UTRN: variants seen among roughly 807,000 people sequenced by gnomAD.
The protein encoded by UTRN is dystrophin-related protein 1.
UTRN carries 283 observed loss-of-function variants against 463.9 expected under a neutral mutation model. The ratio of observed to expected loss-of-function variants is 0.61; its 90% CI spans 0.55 to 0.67. UTRN has a LOEUF of 0.67. Among genes scored for constraint, UTRN ranks in the 30% least tolerant of loss-of-function variants. The pLI is 0.00. For synonymous variants in UTRN, 1,442 were observed against 1,431.5 expected, an observed-to-expected ratio of 1.01 and a Z score of -0.17; for missense variants, 3,922 against 4,084.3, an observed-to-expected ratio of 0.96 and a Z score of 1.08.
At chr6:144,813,191 A>AT (rs1341768404) in intron 65 of UTRN, among the ~76,000 whole-genome samples, 265 of 149,722 alleles carry the variant, frequency 1.8e-3, no homozygotes, top group African/African-American at 6.4e-3. Flanking sequence ...TTATTTATTT[A>AT]TTTATTTATT....
In UTRN at chr6:144,522,035, C is replaced by T. The variant is rs1296000482; in HGVS notation, c.5597C>T (p.Ser1866Leu). Reference protein sequence around the residue: ...MGQLASGIRSSLLPTDYLVEI... With the variant: ...MGQLASGIRSLLLPTDYLVEI... ...CAACTTGCTTCTGGAATTAGATCAT[C>T]ACTTCTTCCTACAGATTATCTGGTT... Residue 1866 changes from serine to leucine, a missense_variant, in exon 40 of 75, where the codon TCA (serine) becomes TTA (leucine). By Grantham distance (145) the Ser-to-Leu change is moderately radical. Around this residue, in one of 3 missense-constraint regions of UTRN, gnomAD observed 2,349 missense variants for 2,303.8 expected, o/e 1.02. Transcript: ENST00000367545. 1 of 1,586,986 alleles carries T rather than the reference C, an allele frequency of 6.3e-7. No individual in the cohort carries two copies.
chr6:144,480,790 A>G (rs1164525054), intron 26 of UTRN, among the ~76,000 whole-genome samples: 25 of 152,222 alleles, frequency 1.6e-4, no homozygotes, highest in Non-Finnish European at 7.3e-5. Context: ...GTTTTACCTC[A>G]AAGTTAACTT....
At chr6:144,470,444 G>C (rs933531973) in intron 23 of UTRN, among the ~76,000 whole-genome samples, 4 of 152,090 alleles carry the variant, frequency 2.6e-5, no homozygotes, top group African/African-American at 9.7e-5. Flanking sequence ...CGGCCGGGCA[G>C]AGGCGCTCCT....
chr6:144,836,660 A>G (rs1267438608), intron 71 of UTRN, 119 bp downstream of exon 71: 36 of 1,423,040 alleles, frequency 2.5e-5, no homozygotes, highest in Non-Finnish European at 3.2e-5. Context: ...TTACCTCCGT[A>G]GTTAATTCAG....
chr6:144,333,978 C>A (rs1283559381), intron 2 of UTRN, among the ~76,000 whole-genome samples: 1 of 152,164 alleles, frequency 6.6e-6, no homozygotes, highest in Admixed American at 6.5e-5. Context: ...TAAAAAAGTA[C>A]ATTGATGATC....
At chr6:144,739,212 C>T (rs143944033) in intron 54 of UTRN, among the ~76,000 whole-genome samples, 2 of 151,978 alleles carry the variant, frequency 1.3e-5, no homozygotes, top group Non-Finnish European at 2.9e-5. Context: ...TATTTTTCTT[C>T]CCTGTAAAAT....
At chr6:144,552,136 A>G (rs940908095) in intron 48 of UTRN, among the ~76,000 whole-genome samples, 2 of 152,258 alleles carry the variant, frequency 1.3e-5, no homozygotes, top group East Asian at 1.9e-4. Flanking sequence ...GTGACAAAAT[A>G]TAAACTGGAA....
chr6:144,420,798 G>A (rs1312870866), intron 3 of UTRN, among the ~76,000 whole-genome samples: 1 of 152,214 alleles, frequency 6.6e-6, no homozygotes, highest in Non-Finnish European at 1.5e-5. Context: ...TTGTCACACT[G>A]TGATGTGAGA....
intron 3 of UTRN, among the ~76,000 whole-genome samples, chr6:144,417,565 T>C (rs975001355): frequency 1.3e-5 from 2 of 152,222 alleles, no homozygotes; most frequent in African/African-American, 2.4e-5. Flanking sequence ...TCTAAGAACA[T>C]TTCATATTTC....
intron 51 of UTRN, among the ~76,000 whole-genome samples, chr6:144,652,184 A>T (rs1348139066): frequency 1.3e-5 from 2 of 152,196 alleles, no homozygotes; most frequent in Non-Finnish European, 2.9e-5. Context: ...ACTTATCCCT[A>T]AACAAGAATG....
chr6:144,764,823 AT>A (rs978001869), intron 58 of UTRN, among the ~76,000 whole-genome samples: 3 of 152,070 alleles, frequency 2.0e-5, no homozygotes, highest in East Asian at 1.9e-4. Context: ...TAAAGTAGTA[AT>A]TTTTTTTAAT....
intron 2 of UTRN, among the ~76,000 whole-genome samples, chr6:144,342,732 T>C (rs914297644): frequency 6.6e-6 from 1 of 152,182 alleles, no homozygotes; most frequent in Non-Finnish European, 1.5e-5. Context: ...TGGGGGTCGA[T>C]TGTGGTGATG....
intron 2 of UTRN, among the ~76,000 whole-genome samples, chr6:144,313,712 G>T (rs902633200): frequency 3.3e-5 from 5 of 152,192 alleles, no homozygotes; most frequent in Non-Finnish European, 7.3e-5. Context: ...AGGACCCTGT[G>T]CCTCTAGACC....
Position 144,754,936 on chromosome 6 carries a change from GAA to G in UTRN, c.8434+141_8434+142del, listed in dbSNP as rs1457211044. 6.8e-6 allele frequency: 5 copies of G among 740,492 alleles called. No homozygotes were observed. The Admixed American group carries it at 1.6e-4, about 23-fold the overall frequency. 45.9% of individuals were successfully genotyped at this position (740,492 alleles called of 1,614,324 possible). ...CTTGTAAGGAGGTACTAACATCAAA[GAA>G]AATATTGCTTAATGGTTATTATTTG... On this transcript the variant is annotated intron_variant, in intron 57 of 74. Transcript: ENST00000367545.
chr6:144,780,544 G>C (rs1169518569), intron 60 of UTRN, among the ~76,000 whole-genome samples: 1 of 152,106 alleles, frequency 6.6e-6, no homozygotes, highest in African/African-American at 2.4e-5. Context: ...ATTTAGAAGA[G>C]TCATCTCCAC....
At position 144,531,185 on chromosome 6, in the gene UTRN, G is replaced by A; in HGVS notation, c.6040G>A (p.Ala2014Thr). ...AGGTGGCAGCCTGGACTTAGAGAAA[G>A]CCAGGATACATCAGCAGGTGAGTGC... Reference protein sequence around the residue: ...APGGSLDLEKARIHQQELEVG... With the variant: ...APGGSLDLEKTRIHQQELEVG... Residue 2014 changes from alanine to threonine, a missense_variant, in exon 42 of 75, where the codon GCC becomes ACC. This residue lies in a region of UTRN where 2,349 missense variants were observed against 2,303.8 expected (regional missense o/e 1.02). Coordinates refer to ENST00000367545, the MANE Select transcript of UTRN (RefSeq NM_007124.3). The A allele has an allele frequency of 6.2e-7, 1 of 1,613,912 alleles. No individual in the cohort carries two copies. Among genetic ancestry groups the A allele is most frequent in the South Asian group, 1.1e-5 (1 of 91,042 alleles).
At chr6:144,507,118 C>A (rs540426198) in intron 34 of UTRN, among the ~76,000 whole-genome samples, 1 of 151,852 alleles carries the variant, frequency 6.6e-6, no homozygotes, top group South Asian at 2.1e-4. Context: ...TTCATCAGGT[C>A]ATTTATGTTC....
In UTRN at chr6:144,300,701, A is replaced by G. The variant is rs186462471; in HGVS notation, c.79+8794A>G. On this transcript the variant is annotated intron_variant, in intron 2 of 74. Transcript: ENST00000367545. ...AAGATTAAGGATCAAAAAGGGAGCCACTGGAAAGGTGTGAGTGGCTGGTAA... is the reference window on the plus strand; with the variant it reads ...AAGATTAAGGATCAAAAAGGGAGCCGCTGGAAAGGTGTGAGTGGCTGGTAA... Among the ~76,000 whole-genome samples, 466 of 152,348 alleles carry G rather than the reference A, an allele frequency of 3.1e-3. 2 individuals carry two copies. Among genetic ancestry groups the G allele is most frequent in the Admixed American group, 6.5e-3 (100 of 15,306 alleles).
intron 50 of UTRN, among the ~76,000 whole-genome samples, chr6:144,573,867 A>G (rs961338918): frequency 6.6e-5 from 10 of 152,204 alleles, no homozygotes; most frequent in African/African-American, 1.9e-4. Context: ...TTAAAATACA[A>G]TTTAAGAATG....
Sources: allele counts gnomAD v4.1 joint callset (sites outside exome capture counted in the v4.1 genomes callset), GRCh38; gene constraint gnomAD v4.1.1; regional missense constraint gnomAD v4.1.1; transcripts MANE v1.5; gene names NCBI Gene and HGNC (gene_info 2026-07-23, HGNC 2026-07-21).